Variants in TMEM44 observed in about 807,000 individuals in gnomAD.
TMEM44 encodes the protein transmembrane protein 44.
Under a neutral mutation model 47.8 loss-of-function variants are expected in TMEM44, and 43 were observed. That is an observed-to-expected ratio of 0.90 (90% CI 0.70 to 1.16). TMEM44 has a LOEUF of 1.16. Among genes scored for constraint, TMEM44 ranks in the 50% most tolerant of loss-of-function variants. The pLI is 0.00. For missense variants in TMEM44, 568 were observed against 555.2 expected, an observed-to-expected ratio of 1.02 and a Z score of -0.23; for synonymous variants, 277 against 238.8, an observed-to-expected ratio of 1.16 and a Z score of -1.48.
intron 9 of TMEM44, among the ~76,000 whole-genome samples, chr3:194,591,607 A>AT (rs918468103): frequency 6.6e-6 from 1 of 151,976 alleles, no homozygotes; most frequent in Non-Finnish European, 1.5e-5. Context: ...TTAAAACTTC[A>AT]TTATTTATTT....
At chr3:194,621,759 T>G (rs1319316971) in intron 5 of TMEM44, among the ~76,000 whole-genome samples, 1 of 151,690 alleles carries the variant, frequency 6.6e-6, no homozygotes, top group Non-Finnish European at 1.5e-5. Context: ...CTCAGTCACC[T>G]AGGATGGAGT....
At chr3:194,595,195 T>C (rs1223117937) in intron 9 of TMEM44, among the ~76,000 whole-genome samples, 6 of 152,226 alleles carry the variant, frequency 3.9e-5, no homozygotes, top group Non-Finnish European at 7.3e-5. Context: ...GCTTTTCTCC[T>C]TTAACATACA....
intron 5 of TMEM44, among the ~76,000 whole-genome samples, chr3:194,618,522 A>G (rs143878649): frequency 0.02 from 2,863 of 146,062 alleles, 95 homozygotes; most frequent in African/African-American, 0.067. Flanking sequence ...TTATATTTAT[A>G]TAATTTAGTT....
rs142364954 is a variant in TMEM44, at chr3:194,604,358, C to A, written c.1105G>T (p.Val369Phe). Residue 369 changes from valine to phenylalanine, a missense_variant, in exon 9 of 10, where the codon GTT becomes TTT. Physicochemically the swap from Val to Phe is conservative, Grantham distance 50. Coordinates refer to ENST00000347147, the MANE Select transcript of TMEM44 (RefSeq NM_001011655.3). ...GACACCCGGGCCCGGATGACCTGAA[C>A]GGGAGGGTACGACGGGGGGTCCTGC... ...SLQDPPSYPPVQVIRARVSSG... is the reference protein window; with the variant it reads ...SLQDPPSYPPFQVIRARVSSG... 2 of 1,567,870 alleles carry A rather than the reference C, an allele frequency of 1.3e-6. No individual in the cohort carries two copies. Among genetic ancestry groups the A allele is most frequent in the Admixed American group, 1.9e-5 (1 of 53,070 alleles).
chr3:194,631,480 G>A (rs1045717918), intron 1 of TMEM44, among the ~76,000 whole-genome samples: 2 of 152,200 alleles, frequency 1.3e-5, no homozygotes, highest in African/African-American at 4.8e-5. Context: ...GCTGGCCCAA[G>A]CCTGAAGCTC....
chr3:194,606,260 C>G (rs777840324), intron 8 of TMEM44, among the ~76,000 whole-genome samples: 1 of 152,208 alleles, frequency 6.6e-6, no homozygotes, highest in Non-Finnish European at 1.5e-5. Flanking sequence ...CGCTGCGTCT[C>G]CTGGAAAATC....
intron 7 of TMEM44, among the ~76,000 whole-genome samples, chr3:194,613,713 C>G (rs868742557): frequency 6.7e-6 from 1 of 148,884 alleles, no homozygotes; most frequent in Non-Finnish European, 1.5e-5. Flanking sequence ...AGGCTGGTCT[C>G]GAACTCCTGA....
intron 9 of TMEM44, among the ~76,000 whole-genome samples, chr3:194,601,762 T>C (rs113741684): frequency 0.016 from 2,371 of 152,250 alleles, 64 homozygotes; most frequent in African/African-American, 0.054. Flanking sequence ...AATTTACATA[T>C]TTTTAACAAT....
chr3:194,592,115 G>A (rs1712819137), intron 9 of TMEM44, among the ~76,000 whole-genome samples: 1 of 151,874 alleles, frequency 6.6e-6, no homozygotes, highest in Admixed American at 6.6e-5. Flanking sequence ...CTACTCGGGA[G>A]GCTGAGGCAG....
intron 9 of TMEM44, 86 bp downstream of exon 9, chr3:194,604,201 C>G: frequency 5.4e-6 from 8 of 1,491,412 alleles, no homozygotes; most frequent in Non-Finnish European, 7.3e-6. Context: ...AAGATGAGAA[C>G]AGCTGCACAA....
At chr3:194,617,494 C>T in intron 5 of TMEM44, 1 of 616,854 alleles carries the variant, frequency 1.6e-6, no homozygotes, top group South Asian at 2.0e-5. Context: ...GAAACCTCCC[C>T]TTACCAACTC....
intron 5 of TMEM44, among the ~76,000 whole-genome samples, chr3:194,622,246 G>C (rs79556299): frequency 6.6e-6 from 1 of 152,172 alleles, no homozygotes; most frequent in African/African-American, 2.4e-5. Context: ...TCAAATTCAC[G>C]CTCCCTTCTG....
intron 8 of TMEM44, among the ~76,000 whole-genome samples, chr3:194,610,507 G>C (rs556453587): frequency 6.6e-6 from 1 of 151,850 alleles, no homozygotes; most frequent in South Asian, 2.1e-4. Context: ...ACTTCCACCC[G>C]AGAGACTCTC....
chr3:194,617,781 T>G, intron 5 of TMEM44: 1 of 702,740 alleles, frequency 1.4e-6, no homozygotes, highest in South Asian at 1.5e-5. Context: ...TGGGGCCTGG[T>G]GGGAGGTGGT....
At position 194,632,131 on chromosome 3, in the gene TMEM44, TG is replaced by T. The variant is rs1419631723; in HGVS notation, c.137+947del. Among the ~76,000 whole-genome samples the T allele has an allele frequency of 4.6e-5, 7 of 151,952 alleles. No homozygotes were observed. In the East Asian group the frequency reaches 1.2e-3, roughly 25 times the overall value. ...GAACCTCAGGGTTCCCTACAGAAAG[TG>T]GGGGTAACAGCACCTACCTCCTGGT... On this transcript the variant is annotated intron_variant, in intron 1 of 9. Coordinates refer to ENST00000347147, the MANE Select transcript of TMEM44 (RefSeq NM_001011655.3).
chr3:194,622,478 C>T lies in TMEM44; in HGVS notation c.612+746G>A, dbSNP rs559780140. 3.3e-5 allele frequency: 5 copies of T among 152,412 alleles called. No individual in the cohort carries two copies. In the East Asian group the frequency reaches 5.8e-4, roughly 18 times the overall value. The allele number at this position is 152,412 out of a possible 1,614,324, so 9.4% of individuals were successfully genotyped here. A position where few individuals can be genotyped will look rare whatever the true frequency, so the allele number is the denominator to read the frequency against. On this transcript the variant is annotated intron_variant, in intron 5 of 9. Transcript: ENST00000347147. ...CTCGCCCCTGCTCACATCTTACCCCCCCCAGCACTGGCCGACACAGGGCCT... is the reference window on the plus strand; with the variant it reads ...CTCGCCCCTGCTCACATCTTACCCCTCCCAGCACTGGCCGACACAGGGCCT...
intron 9 of TMEM44, among the ~76,000 whole-genome samples, chr3:194,594,884 G>T (rs1713215248): frequency 6.6e-6 from 1 of 152,152 alleles, no homozygotes. Flanking sequence ...TAGGAAGAGC[G>T]CCCTCTAGTG....
rs139152698 is a variant in TMEM44 at position 194,590,915 on chromosome 3, C to T, written c.1177-2276G>A. On this transcript the variant is annotated intron_variant, in intron 9 of 9. Transcript: ENST00000347147. ...GTGAGCTCTTTAAACTAGTACAGGC[C>T]GGGCACGGGGACTCACGCCTGTAAT... 6.1e-3 allele frequency among the ~76,000 whole-genome samples: 926 copies of T among 152,248 alleles called. 10 individuals carry two copies. Among genetic ancestry groups the T allele is most frequent in the African/African-American group, 0.021 (875 of 41,546 alleles).
chr3:194,631,594 A>G (rs568396512), intron 1 of TMEM44, among the ~76,000 whole-genome samples: 36 of 152,328 alleles, frequency 2.4e-4, no homozygotes, highest in African/African-American at 5.3e-4. Context: ...GCGGACCCCA[A>G]TTAGAAATAA....
Sources: gnomAD v4.1 joint callset for allele counts (sites outside exome capture counted in the v4.1 genomes callset) on GRCh38, gnomAD v4.1.1 for gene constraint, MANE v1.5 for transcripts, NCBI Gene and HGNC (gene_info 2026-07-23, HGNC 2026-07-21) for gene names.